ELMO1: variants seen among roughly 807,000 people sequenced by gnomAD.
The protein encoded by ELMO1 is engulfment and cell motility 1.
Under a neutral mutation model 98.9 loss-of-function variants are expected in ELMO1, and 26 were observed. The ratio of observed to expected loss-of-function variants is 0.26; its 90% CI spans 0.19 to 0.36. The LOEUF (loss-of-function observed/expected upper bound fraction) is 0.36. ELMO1 is among the 10% of genes least tolerant of loss of function. The pLI is 1.00. For missense variants in ELMO1, 627 were observed against 935.2 expected (o/e 0.67, Z 4.30); for synonymous variants, 346 against 346.0 (o/e 1.00, Z 0.00).
Position 37,293,435 on chromosome 7 carries a change from T to G in ELMO1, c.192+21415A>C, listed in dbSNP as rs1797856620. Among the ~76,000 whole-genome samples, 4 of 80,128 alleles carry G rather than the reference T, an allele frequency of 5.0e-5. No homozygotes were observed. In the Admixed American group the frequency reaches 5.9e-4, roughly 12 times the overall value. 52.6% of individuals were successfully genotyped at this position (80,128 alleles called of 152,430 possible). A position where few individuals can be genotyped will look rare whatever the true frequency, so the allele number is the denominator to read the frequency against. ...TGACCTTACCCCCAACCCTGTGCTCTCTGACACATGTGCTGTATCCACTCA... is the reference window on the plus strand; with the variant it reads ...TGACCTTACCCCCAACCCTGTGCTCGCTGACACATGTGCTGTATCCACTCA... On this transcript the variant is annotated intron_variant, in intron 4 of 21. Transcript: ENST00000310758.
At chr7:37,135,228 C>T (rs1394761823) in intron 13 of ELMO1, among the ~76,000 whole-genome samples, 1 of 152,132 alleles carries the variant, frequency 6.6e-6, no homozygotes, top group Non-Finnish European at 1.5e-5. Flanking sequence ...TGAAAATGCA[C>T]ATCTGCCAGT....
chr7:37,166,625 A>G (rs1336181967), intron 13 of ELMO1, among the ~76,000 whole-genome samples: 1 of 152,158 alleles, frequency 6.6e-6, no homozygotes, highest in Non-Finnish European at 1.5e-5. Context: ...CAGGTTGTTC[A>G]GTTTCCATGT....
intron 1 of ELMO1, chr7:37,375,744 G>A: frequency 1.7e-6 from 2 of 1,189,688 alleles, no homozygotes; most frequent in South Asian, 1.2e-5. Context: ...TTACCAATGA[G>A]GGTATCCAGT....
intron 4 of ELMO1, among the ~76,000 whole-genome samples, chr7:37,312,782 G>A (rs528507037): frequency 7.2e-5 from 11 of 152,252 alleles, no homozygotes; most frequent in Admixed American, 5.9e-4. Context: ...AACTATTCAC[G>A]ACTCAACAGC....
chr7:37,323,951 A>G lies in ELMO1; in HGVS notation c.79-7991T>C, dbSNP rs554665667. ...GCCTCTTCTTGATCTCTTAAAAAAAATATGATCACTCTCTCACTCAGAGTA... is the reference window on the plus strand; with the variant it reads ...GCCTCTTCTTGATCTCTTAAAAAAAGTATGATCACTCTCTCACTCAGAGTA... On this transcript the variant is annotated intron_variant, in intron 2 of 21. Transcript: ENST00000310758. Among the ~76,000 whole-genome samples, 124 of 152,262 alleles carry G rather than the reference A, an allele frequency of 8.1e-4. 1 individual carries two copies. The highest frequency in any genetic ancestry group is 2.9e-3 in the African/African-American group (122 of 41,556).
chr7:37,130,221 C>T (rs1786817064), intron 14 of ELMO1, among the ~76,000 whole-genome samples: 2 of 152,172 alleles, frequency 1.3e-5, no homozygotes, highest in South Asian at 2.1e-4. Context: ...ACCACCACCT[C>T]TACTTTTGAT....
intron 12 of ELMO1, among the ~76,000 whole-genome samples, chr7:37,212,307 G>A (rs1293254499): frequency 6.6e-6 from 1 of 152,104 alleles, no homozygotes; most frequent in African/African-American, 2.4e-5. Flanking sequence ...ATAGATGGTG[G>A]TGACAGTTTC....
rs114801123 is a variant in ELMO1, at chr7:37,030,740, G to A, written c.1301-17305C>T. Among the ~76,000 whole-genome samples the A allele has an allele frequency of 3.7e-3, 562 of 152,066 alleles. 1 individual carries two copies. The highest frequency in any genetic ancestry group is 0.013 in the African/African-American group (519 of 41,476). ...ATAGATTTGTTTTTTGTTTTTGTTCGTTTTCCTTCTGCCCAAAGTTCTTTT... is the reference window on the plus strand; with the variant it reads ...ATAGATTTGTTTTTTGTTTTTGTTCATTTTCCTTCTGCCCAAAGTTCTTTT... On this transcript the variant is annotated intron_variant, in intron 15 of 21. Coordinates refer to ENST00000310758, the MANE Select transcript of ELMO1 (RefSeq NM_014800.11).
chr7:37,210,366 A>C (rs1246492737), intron 13 of ELMO1, among the ~76,000 whole-genome samples: 5 of 152,140 alleles, frequency 3.3e-5, no homozygotes, highest in Non-Finnish European at 7.4e-5. Flanking sequence ...CAGTAATGAA[A>C]CACAGTAATA....
intron 17 of ELMO1, among the ~76,000 whole-genome samples, chr7:36,890,044 G>A (rs760130303): frequency 8.5e-5 from 13 of 152,256 alleles, no homozygotes; most frequent in Non-Finnish European, 1.5e-4. Context: ...TTCTGTGGCC[G>A]ATATCTGCCC....
At chr7:36,897,100 T>C (rs770221910) in intron 16 of ELMO1, among the ~76,000 whole-genome samples, 1 of 152,176 alleles carries the variant, frequency 6.6e-6, no homozygotes, top group African/African-American at 2.4e-5. Flanking sequence ...ACAGAGATGA[T>C]GGTGTTTACA....
At chr7:37,013,742 T>C (rs1793728666) in intron 15 of ELMO1, 2 of 284,456 alleles carry the variant, frequency 7.0e-6, no homozygotes, top group African/African-American at 2.1e-5. Flanking sequence ...TTATGAGCCC[T>C]ATATCTGCCT....
chr7:37,367,411 C>G, intron 1 of ELMO1, among the ~76,000 whole-genome samples: 1 of 152,204 alleles, frequency 6.6e-6, no homozygotes, highest in Non-Finnish European at 1.5e-5. Context: ...GTTTTCTTCA[C>G]CATTTTACCT....
chr7:37,001,450 T>TA lies in ELMO1; in HGVS notation c.1437+11848dup, dbSNP rs137944657. On this transcript the variant is annotated intron_variant, in intron 16 of 21. Transcript: ENST00000310758. ...AAAGCACCTGGAGGATATTAAGACA[T>TA]AAAATCTAGCTCTTGCTTCCAATGA... is the stretch of plus-strand genomic sequence containing the variant. 7.0e-4 allele frequency among the ~76,000 whole-genome samples: 107 copies of TA among 152,340 alleles called. 3 individuals are homozygous for TA. In the East Asian group the frequency reaches 0.019, roughly 27 times the overall value.
chr7:36,994,520 G>T (rs1792074170), intron 16 of ELMO1, among the ~76,000 whole-genome samples: 1 of 152,202 alleles, frequency 6.6e-6, no homozygotes, highest in Non-Finnish European at 1.5e-5. Flanking sequence ...CTTCTTCTGA[G>T]TACTTCTGTC....
intron 1 of ELMO1, among the ~76,000 whole-genome samples, chr7:37,432,217 T>G (rs1246615751): frequency 6.6e-6 from 1 of 152,200 alleles, no homozygotes; most frequent in African/African-American, 2.4e-5. Context: ...CACCTCACAG[T>G]GGACCCAGTG....
chr7:36,875,980 C>G (rs1267821470), intron 19 of ELMO1, among the ~76,000 whole-genome samples: 1 of 152,202 alleles, frequency 6.6e-6, no homozygotes, highest in Non-Finnish European at 1.5e-5. Flanking sequence ...AGCAGATTCA[C>G]TGGACCATAT....
intron 16 of ELMO1, among the ~76,000 whole-genome samples, chr7:36,999,111 T>C (rs1230821651): frequency 2.0e-5 from 3 of 151,920 alleles, no homozygotes; most frequent in Non-Finnish European, 4.4e-5. Flanking sequence ...GCCACAGCAT[T>C]GTCTAGGAGG....
At chr7:37,195,235 T>C (rs1372300353) in intron 13 of ELMO1, among the ~76,000 whole-genome samples, 2 of 152,178 alleles carry the variant, frequency 1.3e-5, no homozygotes, top group Non-Finnish European at 2.9e-5. Context: ...GATAAGGAGT[T>C]CACTCAACAA....
Sources: gnomAD v4.1 joint callset for allele counts (sites outside exome capture counted in the v4.1 genomes callset) on GRCh38, gnomAD v4.1.1 for gene constraint, MANE v1.5 for transcripts, NCBI Gene and HGNC (gene_info 2026-07-23, HGNC 2026-07-21) for gene names.